IPCEF1: variants seen among roughly 807,000 people sequenced by gnomAD.
The protein encoded by IPCEF1 is interaction protein for cytohesin exchange factors 1.
In IPCEF1, 31 loss-of-function variants were observed where a neutral mutation model predicts 50.9. The observed-to-expected ratio is 0.61, with a 90% CI of 0.46 to 0.82. IPCEF1 has a LOEUF of 0.82. Among genes scored for constraint, IPCEF1 ranks in the 40% least tolerant of loss-of-function variants. IPCEF1 has a pLI of 0.00. For synonymous variants in IPCEF1, 181 were observed against 192.0 expected (o/e 0.94, Z 0.47); for missense variants, 458 against 514.0 (o/e 0.89, Z 1.05).
intron 1 of IPCEF1, among the ~76,000 whole-genome samples, chr6:154,329,862 T>C (rs1783616858): frequency 6.6e-6 from 1 of 152,326 alleles, no homozygotes; most frequent in African/African-American, 2.4e-5. Flanking sequence ...AATGCTCATC[T>C]GAGCTCAAAT....
At chr6:154,241,253 AAGAG>A (rs931432115) in intron 5 of IPCEF1, among the ~76,000 whole-genome samples, 95 of 150,780 alleles carry the variant, frequency 6.3e-4, no homozygotes, top group African/African-American at 2.2e-3. Flanking sequence ...AAAAAAAAAA[AAGAG>A]AGAGAGAGAA....
chr6:154,191,675 AC>A (rs1801899259), intron 10 of IPCEF1, among the ~76,000 whole-genome samples: 1 of 19,650 alleles, frequency 5.1e-5, no homozygotes, highest in African/African-American at 3.5e-4. Flanking sequence ...CTTTGCCTCA[AC>A]AACAACAACA....
At chr6:154,290,909 A>G (rs1427935310) in intron 1 of IPCEF1, among the ~76,000 whole-genome samples, 1 of 40,366 alleles carries the variant, frequency 2.5e-5, no homozygotes, top group South Asian at 4.9e-4. Context: ...TTTTTTTTTG[A>G]GACAGAGTCT....
In IPCEF1 at chr6:154,326,297, C is replaced by T. The variant is rs1985187; in HGVS notation, c.-62+30375G>A. On this transcript the variant is annotated intron_variant, in intron 1 of 11. Coordinates refer to ENST00000367220, the MANE Select transcript of IPCEF1 (RefSeq NM_001130700.2). ...TAAAAATACACATTTTGGCAGATGA[C>T]ATAATCCTCTATCTAGAAAACCCCA... Among the ~76,000 whole-genome samples the T allele has an allele frequency of 3.6e-3, 551 of 151,768 alleles. 3 individuals are homozygous for T. The highest frequency in any genetic ancestry group is 6.3e-3 in the Non-Finnish European group (425 of 67,962).
chr6:154,230,138 G>A (rs1779608278), intron 5 of IPCEF1, among the ~76,000 whole-genome samples: 1 of 152,098 alleles, frequency 6.6e-6, no homozygotes, highest in South Asian at 2.1e-4. Flanking sequence ...TTATTATGAT[G>A]GTTGCATCAC....
chr6:154,307,742 C>G (rs1782972653), intron 1 of IPCEF1, among the ~76,000 whole-genome samples: 1 of 152,210 alleles, frequency 6.6e-6, no homozygotes, highest in South Asian at 2.1e-4. Flanking sequence ...TGAAAAGCAT[C>G]TAGATGTACA....
intron 10 of IPCEF1, among the ~76,000 whole-genome samples, chr6:154,171,422 C>T (rs1331456343): frequency 6.6e-6 from 1 of 151,782 alleles, no homozygotes; most frequent in African/African-American, 2.4e-5. Context: ...TTAGATGAAC[C>T]CACAGAGACA....
At chr6:154,275,775 A>G (rs957702139) in intron 2 of IPCEF1, among the ~76,000 whole-genome samples, 1 of 152,092 alleles carries the variant, frequency 6.6e-6, no homozygotes, top group African/African-American at 2.4e-5. Context: ...CACTGGCTAG[A>G]AGGCAGCCAA....
chr6:154,222,089 C>G (rs1281643253), intron 6 of IPCEF1, among the ~76,000 whole-genome samples: 4 of 152,158 alleles, frequency 2.6e-5, no homozygotes, highest in African/African-American at 9.7e-5. Context: ...AGGTATGGAA[C>G]GTCCACTCTG....
intron 1 of IPCEF1, among the ~76,000 whole-genome samples, chr6:154,327,221 T>C (rs897693952): frequency 6.6e-6 from 1 of 152,196 alleles, no homozygotes; most frequent in Admixed American, 6.5e-5. Context: ...TAGTGGGATC[T>C]GACTAAACTA....
chr6:154,218,908 A>C (rs1237710397), intron 7 of IPCEF1: 1 of 152,148 alleles, frequency 6.6e-6, no homozygotes, highest in East Asian at 1.9e-4. Context: ...CCCCCAAAAG[A>C]ATTTCAAGTA....
intron 1 of IPCEF1, among the ~76,000 whole-genome samples, chr6:154,320,939 T>C (rs1322087476): frequency 6.6e-6 from 1 of 152,176 alleles, no homozygotes; most frequent in South Asian, 2.1e-4. Context: ...TGAATTCTTT[T>C]TTGTTGTTGT....
intron 2 of IPCEF1, among the ~76,000 whole-genome samples, chr6:154,277,671 G>A (rs192062259): frequency 1.5e-4 from 23 of 152,182 alleles, no homozygotes; most frequent in African/African-American, 3.9e-4. Flanking sequence ...ACTATCTTAC[G>A]TATAAATTAC....
At chr6:154,179,630 G>A (rs767734469) in intron 10 of IPCEF1, among the ~76,000 whole-genome samples, 3 of 152,204 alleles carry the variant, frequency 2.0e-5, no homozygotes, top group Non-Finnish European at 4.4e-5. Context: ...CTTTGATTCT[G>A]CCACAGAAGG....
intron 5 of IPCEF1, among the ~76,000 whole-genome samples, chr6:154,244,358 TC>T (rs1303371201): frequency 6.6e-6 from 1 of 151,034 alleles, no homozygotes; most frequent in Non-Finnish European, 1.5e-5. Flanking sequence ...GAGGGAGAAT[TC>T]CCCTACATAC....
rs1309094235 is a variant in IPCEF1 at position 154,168,733 on chromosome 6, G to C, written c.911-620C>G. 6.6e-6 allele frequency among the ~76,000 whole-genome samples: 1 copy of C among 151,930 alleles called. No individual in the cohort carries two copies. The highest frequency in any genetic ancestry group is 6.6e-5 in the Admixed American group (1 of 15,266). On this transcript the variant is annotated intron_variant, in intron 10 of 11. Transcript: ENST00000367220. The surrounding 1 kb of genome is among the most constrained non-coding windows in gnomAD (Gnocchi z 4.1). ...TGATTCTCCTGTCTCAGCCTCCCAAGTAGCTGGGATTACAGGCACCTGCCA... is the reference window on the plus strand; with the variant it reads ...TGATTCTCCTGTCTCAGCCTCCCAACTAGCTGGGATTACAGGCACCTGCCA...
chr6:154,248,059 C>A (rs1443835530), intron 3 of IPCEF1, among the ~76,000 whole-genome samples: 1 of 152,050 alleles, frequency 6.6e-6, no homozygotes, highest in Non-Finnish European at 1.5e-5. Context: ...AGCAATCAAC[C>A]CTCCTTATCA....
intron 9 of IPCEF1, among the ~76,000 whole-genome samples, chr6:154,206,986 A>C (rs1472232636): frequency 6.6e-6 from 1 of 152,232 alleles, no homozygotes; most frequent in Non-Finnish European, 1.5e-5. Flanking sequence ...ATTCACTGGA[A>C]GCTTTTGTGC....
At chr6:154,354,122 T>C (rs1348284632) in intron 1 of IPCEF1, among the ~76,000 whole-genome samples, 1 of 152,206 alleles carries the variant, frequency 6.6e-6, no homozygotes, top group Non-Finnish European at 1.5e-5. Flanking sequence ...AAAAAGTCAA[T>C]ATGTTATAGT....
Sources: gnomAD v4.1 joint callset for allele counts (sites outside exome capture counted in the v4.1 genomes callset) on GRCh38, gnomAD v4.1.1 for gene constraint, Gnocchi (gnomAD v3.1) non-coding constraint, MANE v1.5 for transcripts, NCBI Gene and HGNC (gene_info 2026-07-23, HGNC 2026-07-21) for gene names.